Variants in SAMD4A observed in about 807,000 individuals in gnomAD.
SAMD4A encodes protein Smaug homolog 1.
Under a neutral mutation model 81.3 loss-of-function variants are expected in SAMD4A, and 33 were observed. The ratio of observed to expected loss-of-function variants is 0.41; its 90% CI spans 0.31 to 0.54. The LOEUF (loss-of-function observed/expected upper bound fraction) is 0.54, where lower values mean the gene tolerates loss of function less well. Among genes scored for constraint, SAMD4A ranks in the 20% least tolerant of loss-of-function variants. SAMD4A has a pLI of 0.37. For synonymous variants in SAMD4A, 389 were observed against 382.1 expected (o/e 1.02, Z -0.21); for missense variants, 854 against 951.1 (o/e 0.90, Z 1.34).
At chr14:54,589,020 C>T (rs1022950171) in intron 2 of SAMD4A, among the ~76,000 whole-genome samples, 1 of 152,264 alleles carries the variant, frequency 6.6e-6, no homozygotes, top group African/African-American at 2.4e-5. Flanking sequence ...AAAATGTATA[C>T]AACGTATATA....
intron 3 of SAMD4A, among the ~76,000 whole-genome samples, chr14:54,730,928 A>T (rs887376170): frequency 6.6e-6 from 1 of 152,226 alleles, no homozygotes; most frequent in African/African-American, 2.4e-5. Flanking sequence ...TCCAGGGTGT[A>T]ATATCATTTC....
chr14:54,653,158 T>A (rs1191687844), intron 2 of SAMD4A, among the ~76,000 whole-genome samples: 1 of 152,008 alleles, frequency 6.6e-6, no homozygotes, highest in African/African-American at 2.4e-5. Flanking sequence ...GTCAGCCATG[T>A]ATTTCTGCAC....
In SAMD4A at chr14:54,639,490, C is replaced by T. The variant is rs377093226; in HGVS notation, c.197-62572C>T. ...GGGGGCAAAGGAGGGAGGAGGAAGGCAACCAGCCTCACAAGTGGGGGCCAC... is the reference window on the plus strand; with the variant it reads ...GGGGGCAAAGGAGGGAGGAGGAAGGTAACCAGCCTCACAAGTGGGGGCCAC... On this transcript the variant is annotated intron_variant, in intron 2 of 12. Coordinates refer to ENST00000554335, the MANE Select transcript of SAMD4A (RefSeq NM_015589.6). 3.5e-4 allele frequency among the ~76,000 whole-genome samples: 53 copies of T among 152,302 alleles called. No homozygotes were observed. The East Asian group carries it at 7.0e-3, about 20-fold the overall frequency.
chr14:54,774,540 C>A (rs1398897922), intron 9 of SAMD4A, among the ~76,000 whole-genome samples: 1 of 151,042 alleles, frequency 6.6e-6, no homozygotes, highest in Non-Finnish European at 1.5e-5. Context: ...CTGTCTCCAC[C>A]AAAAATATAA....
intron 3 of SAMD4A, among the ~76,000 whole-genome samples, chr14:54,716,827 G>A (rs990898807): frequency 4.6e-5 from 7 of 151,988 alleles, no homozygotes; most frequent in African/African-American, 1.7e-4. Context: ...TATTTAAGTG[G>A]CTTGTGTTGT....
At chr14:54,758,929 A>G (rs764893273) in intron 6 of SAMD4A, among the ~76,000 whole-genome samples, 4 of 152,178 alleles carry the variant, frequency 2.6e-5, no homozygotes, top group Non-Finnish European at 5.9e-5. Context: ...AAACACAGGG[A>G]GAGCAGCTTT....
rs74049559 is a variant in SAMD4A at position 54,686,149 on chromosome 14, A to C, written c.197-15913A>C. 7.7e-3 allele frequency among the ~76,000 whole-genome samples: 1,172 copies of C among 152,318 alleles called. 17 individuals are homozygous for C. The highest frequency in any genetic ancestry group is 0.026 in the African/African-American group (1,097 of 41,562). On this transcript the variant is annotated intron_variant, in intron 2 of 12. Transcript: ENST00000554335. Reference sequence around the variant, plus strand: ...AGAAGGGATGCCTTTAGAGGACCTGAGCCCTGTCTCCATGCAGGTTATTCT... The same window carrying C: ...AGAAGGGATGCCTTTAGAGGACCTGCGCCCTGTCTCCATGCAGGTTATTCT...
intron 2 of SAMD4A, among the ~76,000 whole-genome samples, chr14:54,629,833 C>T (rs1566556683): frequency 2.0e-5 from 3 of 152,090 alleles, no homozygotes; most frequent in Admixed American, 6.5e-5. Flanking sequence ...TAAACAATCA[C>T]GCCCCATTAC....
At chr14:54,776,210 A>C (rs2038843187) in intron 10 of SAMD4A, among the ~76,000 whole-genome samples, 1 of 152,160 alleles carries the variant, frequency 6.6e-6, no homozygotes. Flanking sequence ...CAAGGCCACC[A>C]CTGAGGAGGT....
At chr14:54,642,002 T>C (rs1029150573) in intron 2 of SAMD4A, among the ~76,000 whole-genome samples, 1 of 152,184 alleles carries the variant, frequency 6.6e-6, no homozygotes, top group Non-Finnish European at 1.5e-5. Flanking sequence ...TTCACCATGT[T>C]GGCCAGGCTG....
At chr14:54,772,040 A>G (rs1456421943) in intron 9 of SAMD4A, among the ~76,000 whole-genome samples, 2 of 152,214 alleles carry the variant, frequency 1.3e-5, no homozygotes, top group African/African-American at 4.8e-5. Flanking sequence ...ATGTTACTAT[A>G]AGGCTGGAAA....
intron 4 of SAMD4A, 96 bp downstream of exon 4, chr14:54,737,383 A>G (rs559901959): frequency 2.8e-6 from 4 of 1,411,370 alleles, no homozygotes; most frequent in Middle Eastern, 4.6e-4. Context: ...AGAGAGAAGG[A>G]GCCCACCCCT....
At chr14:54,626,891 C>T (rs2034776926) in intron 2 of SAMD4A, among the ~76,000 whole-genome samples, 1 of 152,178 alleles carries the variant, frequency 6.6e-6, no homozygotes, top group African/African-American at 2.4e-5. Context: ...GCTGAAGAAA[C>T]AGAAGTTCAG....
chr14:54,765,733 A>G (rs1034882567), intron 8 of SAMD4A, among the ~76,000 whole-genome samples: 1 of 152,168 alleles, frequency 6.6e-6, no homozygotes, highest in African/African-American at 2.4e-5. Flanking sequence ...CGCCCAGCAC[A>G]GCGGCCAGGC....
Position 54,705,884 on chromosome 14 carries a change from C to T in SAMD4A, c.715+3304C>T, listed in dbSNP as rs1161866117. Among the ~76,000 whole-genome samples the T allele has an allele frequency of 2.0e-5, 3 of 152,180 alleles. No homozygotes were observed. In the South Asian group the frequency reaches 6.2e-4, roughly 31 times the overall value. On this transcript the variant is annotated intron_variant, in intron 3 of 12. Transcript: ENST00000554335. Reference sequence around the variant, plus strand: ...AAATATTCCTTTTTGCTGGACTTATCATCCATAGAAATTTCATATAACAAT... The same window carrying T: ...AAATATTCCTTTTTGCTGGACTTATTATCCATAGAAATTTCATATAACAAT...
intron 3 of SAMD4A, among the ~76,000 whole-genome samples, chr14:54,711,639 G>C (rs1436795747): frequency 6.6e-6 from 1 of 152,106 alleles, no homozygotes; most frequent in Non-Finnish European, 1.5e-5. Flanking sequence ...GGGATATTCA[G>C]TGCCTGGATT....
intron 8 of SAMD4A, 38 bp from the exon 9 acceptor site, chr14:54,770,066 C>T: frequency 7.7e-7 from 1 of 1,306,792 alleles, no homozygotes; most frequent in African/African-American, 1.5e-5. Context: ...TAATGCCAGG[C>T]TGCGTCACCC....
At chr14:54,767,004 T>G (rs549716187) in intron 8 of SAMD4A, among the ~76,000 whole-genome samples, 1 of 152,290 alleles carries the variant, frequency 6.6e-6, no homozygotes, top group Admixed American at 6.5e-5. Flanking sequence ...CAGAGGGGCC[T>G]CTCGTGGCTG....
intron 2 of SAMD4A, among the ~76,000 whole-genome samples, chr14:54,669,173 C>T (rs2035819009): frequency 6.6e-6 from 1 of 152,136 alleles, no homozygotes; most frequent in Non-Finnish European, 1.5e-5. Flanking sequence ...AACCCTTGAC[C>T]CACATTTTCT....
Sources: gnomAD v4.1 joint callset for allele counts (sites outside exome capture counted in the v4.1 genomes callset) on GRCh38, gnomAD v4.1.1 for gene constraint, MANE v1.5 for transcripts, NCBI Gene and HGNC (gene_info 2026-07-23, HGNC 2026-07-21) for gene names.